PHTF2: variants seen among roughly 807,000 people sequenced by gnomAD.
PHTF2 encodes the protein putative homeodomain transcription factor 2.
In PHTF2, 60 loss-of-function variants were observed where a neutral mutation model predicts 101.2. That is an observed-to-expected ratio of 0.59 (90% CI 0.48 to 0.73). PHTF2 has a LOEUF of 0.73. Among genes scored for constraint, PHTF2 ranks in the 30% least tolerant of loss-of-function variants. The pLI is 0.00. For synonymous variants in PHTF2, 311 were observed against 307.3 expected, an observed-to-expected ratio of 1.01 and a Z score of -0.13; for missense variants, 747 against 908.7, an observed-to-expected ratio of 0.82 and a Z score of 2.29.
chr7:77,825,356 T>G (rs1794624598), intron 1 of PHTF2, among the ~76,000 whole-genome samples: 2 of 152,104 alleles, frequency 1.3e-5, no homozygotes, highest in African/African-American at 2.4e-5. Flanking sequence ...CATTCATACT[T>G]TTAGAGAAGT....
chr7:77,941,414 C>A (rs979002924), intron 15 of PHTF2, among the ~76,000 whole-genome samples: 1 of 152,080 alleles, frequency 6.6e-6, no homozygotes, highest in African/African-American at 2.4e-5. Flanking sequence ...TGAATCTGAT[C>A]GCTTGAATTC....
intron 1 of PHTF2, among the ~76,000 whole-genome samples, chr7:77,821,189 T>G (rs1446429592): frequency 6.6e-6 from 1 of 152,228 alleles, no homozygotes; most frequent in East Asian, 1.9e-4. Context: ...CCTGTAAGGC[T>G]TCTACTGAGA....
At chr7:77,873,486 T>C (rs1257508567) in intron 3 of PHTF2, among the ~76,000 whole-genome samples, 3 of 152,134 alleles carry the variant, frequency 2.0e-5, no homozygotes, top group Non-Finnish European at 4.4e-5. Flanking sequence ...GCTGGGACTT[T>C]AGTCTAGTTA....
chr7:77,815,332 G>A (rs1455355749), intron 1 of PHTF2, among the ~76,000 whole-genome samples: 7 of 152,026 alleles, frequency 4.6e-5, no homozygotes, highest in Non-Finnish European at 2.9e-5. Flanking sequence ...ATTTGCATAC[G>A]AAATCTATGA....
intron 2 of PHTF2, among the ~76,000 whole-genome samples, chr7:77,843,264 T>C (rs180988524): frequency 4.1e-4 from 63 of 152,350 alleles, no homozygotes; most frequent in Admixed American, 1.2e-3. Flanking sequence ...TATGTTGTAA[T>C]ATTTCCAATC....
intron 3 of PHTF2, among the ~76,000 whole-genome samples, chr7:77,866,214 G>A (rs982335946): frequency 2.0e-5 from 3 of 150,578 alleles, no homozygotes; most frequent in South Asian, 2.1e-4. Context: ...ATTATTAAAC[G>A]TAATAGTTTA....
intron 1 of PHTF2, among the ~76,000 whole-genome samples, chr7:77,830,642 G>A (rs141546137): frequency 0.01 from 1,566 of 152,288 alleles, 18 homozygotes; most frequent in Non-Finnish European, 0.016. Context: ...TGATGCTTGC[G>A]CTGGGGAGCA....
intron 12 of PHTF2, among the ~76,000 whole-genome samples, chr7:77,935,419 G>C (rs1370853292): frequency 6.6e-6 from 1 of 151,840 alleles, no homozygotes; most frequent in African/African-American, 2.4e-5. Context: ...TAGAGACGGG[G>C]TTTCACCGTG....
chr7:77,819,049 T>G (rs1794070577), intron 1 of PHTF2, among the ~76,000 whole-genome samples: 1 of 152,014 alleles, frequency 6.6e-6, no homozygotes, highest in African/African-American at 2.4e-5. Context: ...GTTGATTGTT[T>G]GTGTTTAGAA....
At chr7:77,888,175 G>A (rs953304315) in intron 3 of PHTF2, among the ~76,000 whole-genome samples, 5 of 152,064 alleles carry the variant, frequency 3.3e-5, no homozygotes, top group Admixed American at 6.5e-5. Context: ...GAGTGCAATG[G>A]TGCATCTTGG....
At chr7:77,952,514 C>T (rs984773332) in intron 18 of PHTF2, among the ~76,000 whole-genome samples, 3 of 152,044 alleles carry the variant, frequency 2.0e-5, no homozygotes. Flanking sequence ...CTTTAATTAT[C>T]CTGAGGAAGA....
At chr7:77,847,625 G>T (rs1294677413) in intron 2 of PHTF2, among the ~76,000 whole-genome samples, 2 of 152,176 alleles carry the variant, frequency 1.3e-5, no homozygotes, top group Non-Finnish European at 2.9e-5. Context: ...GGGTACATGA[G>T]ATATTTTGAT....
chr7:77,865,991 C>G (rs918700903), intron 3 of PHTF2, among the ~76,000 whole-genome samples: 4 of 151,890 alleles, frequency 2.6e-5, no homozygotes, highest in Non-Finnish European at 5.9e-5. Flanking sequence ...CAAGACCAGC[C>G]TGGCCAATAT....
At chr7:77,866,579 C>T (rs1484240250) in intron 3 of PHTF2, among the ~76,000 whole-genome samples, 2 of 151,720 alleles carry the variant, frequency 1.3e-5, no homozygotes, top group Non-Finnish European at 2.9e-5. Context: ...TAAAACCTGA[C>T]GTCTCTTAAA....
intron 2 of PHTF2, among the ~76,000 whole-genome samples, chr7:77,853,453 G>C (rs60637351): frequency 0.058 from 8,863 of 151,718 alleles, 591 homozygotes; most frequent in African/African-American, 0.16. Flanking sequence ...GAGTGCAGTG[G>C]TGTGATCTCA....
At chr7:77,948,182 C>G (rs937714247) in intron 16 of PHTF2, among the ~76,000 whole-genome samples, 3 of 151,890 alleles carry the variant, frequency 2.0e-5, no homozygotes, top group African/African-American at 7.3e-5. Context: ...TCTCTTAGAA[C>G]CTTCAGATGA....
At chr7:77,916,511 C>T (rs934021775) in intron 9 of PHTF2, among the ~76,000 whole-genome samples, 2 of 152,124 alleles carry the variant, frequency 1.3e-5, no homozygotes, top group African/African-American at 4.8e-5. Flanking sequence ...AGCTCTCCTA[C>T]CATTTACACT....
intron 11 of PHTF2, among the ~76,000 whole-genome samples, chr7:77,925,388 T>A (rs1184847320): frequency 6.6e-6 from 1 of 152,144 alleles, no homozygotes; most frequent in Non-Finnish European, 1.5e-5. Flanking sequence ...ATTTTCTTTT[T>A]TTAGACTTTA....
chr7:77,855,392 A>G (rs1395372214), intron 3 of PHTF2, among the ~76,000 whole-genome samples: 1 of 152,036 alleles, frequency 6.6e-6, no homozygotes, highest in Non-Finnish European at 1.5e-5. Context: ...CCTCTCCCCA[A>G]ATGGAAGGAA....
Sources: allele counts gnomAD v4.1 joint callset (sites outside exome capture counted in the v4.1 genomes callset), GRCh38; gene constraint gnomAD v4.1.1; transcripts MANE v1.5; gene names NCBI Gene and HGNC (gene_info 2026-07-23, HGNC 2026-07-21).